Variants in ACACA observed in about 807,000 individuals in gnomAD.
ACACA encodes the protein acetyl-CoA carboxylase alpha, also known as acetyl-CoA carboxylase 1.
A neutral mutation model predicts 296.1 loss-of-function variants in ACACA; 103 were observed. That is an observed-to-expected ratio of 0.35 (90% CI 0.30 to 0.41). The LOEUF (loss-of-function observed/expected upper bound fraction) is 0.41. Among genes scored for constraint, ACACA ranks in the 10% least tolerant of loss-of-function variants. The pLI is 1.00. For synonymous variants in ACACA, 953 were observed against 1,038.6 expected (o/e 0.92, Z 1.58); for missense variants, 1,554 against 2,989.7 (o/e 0.52, Z 11.20).
At chr17:37,213,898 C>G (rs2078868680) in intron 29 of ACACA, among the ~76,000 whole-genome samples, 1 of 152,094 alleles carries the variant, frequency 6.6e-6, no homozygotes, top group Non-Finnish European at 1.5e-5. Context: ...CCATCCCTTC[C>G]AGCTGAATTT....
At chr17:37,251,842 T>C (rs2081009419) in intron 16 of ACACA, among the ~76,000 whole-genome samples, 163 bp downstream of exon 16, 1 of 132,024 alleles carries the variant, frequency 7.6e-6, no homozygotes, top group Admixed American at 7.7e-5. Context: ...TAATTTGCCA[T>C]AAATGTCAAC....
chr17:37,216,159 A>ACCCC (rs1598205839), intron 29 of ACACA, among the ~76,000 whole-genome samples: 33 of 90,868 alleles, frequency 3.6e-4, no homozygotes, highest in African/African-American at 1.0e-3. Flanking sequence ...CACACACACA[A>ACCCC]CATACACATG....
At chr17:37,335,393 A>G (rs190662821) in intron 2 of ACACA, among the ~76,000 whole-genome samples, 1 of 152,168 alleles carries the variant, frequency 6.6e-6, no homozygotes, top group African/African-American at 2.4e-5. Flanking sequence ...AAATTTAGCA[A>G]TACTATAGAC....
intron 41 of ACACA, among the ~76,000 whole-genome samples, chr17:37,174,018 ATATTTT>A (rs1269126878): frequency 4.5e-4 from 7 of 15,428 alleles, no homozygotes; most frequent in Admixed American, 1.2e-3. Flanking sequence ...ATATATATAT[ATATTTT>A]TTTTTTTTTT....
intron 2 of ACACA, among the ~76,000 whole-genome samples, chr17:37,336,130 G>C (rs559302108): frequency 6.6e-6 from 1 of 151,998 alleles, no homozygotes; most frequent in Non-Finnish European, 1.5e-5. Context: ...ACTACAAATC[G>C]TTCTTCAAAT....
chr17:37,213,924 T>C (rs564981412), intron 29 of ACACA, among the ~76,000 whole-genome samples: 2 of 152,314 alleles, frequency 1.3e-5, no homozygotes, highest in South Asian at 4.1e-4. Context: ...GGCTTGATTC[T>C]AGCTGGCCTT....
chr17:37,095,837 A>G (rs1195947003), intron 54 of ACACA, among the ~76,000 whole-genome samples: 1 of 152,190 alleles, frequency 6.6e-6, no homozygotes, highest in Non-Finnish European at 1.5e-5. Flanking sequence ...TTTTCTTCCC[A>G]TCCATGGAGT....
rs952914693 is a variant in ACACA at position 37,375,969 on chromosome 17, C to T, written c.38+30293G>A. 5.6e-6 allele frequency: 4 copies of T among 710,908 alleles called. No individual in the cohort carries two copies. In the African/African-American group the frequency reaches 7.0e-5, roughly 12 times the overall value. 44.0% of individuals were successfully genotyped at this position (710,908 alleles called of 1,614,324 possible). On this transcript the variant is annotated intron_variant, in intron 1 of 55. Coordinates refer to ENST00000616317, the MANE Select transcript of ACACA (RefSeq NM_198834.3). The stretch of plus-strand genomic sequence containing the variant: ...TGGGGCAAAATAATCAGGGTGGAAT[C>T]AGAGTCTCTCAGGGTCAAACTTGGT...
intron 1 of ACACA, chr17:37,389,230 C>A (rs372283806): frequency 6.4e-6 from 10 of 1,565,184 alleles, no homozygotes; most frequent in East Asian, 2.4e-5. Flanking sequence ...TAATACCAGT[C>A]ATTTTCTCCC....
At chr17:37,130,252 T>C in intron 45 of ACACA, 34 bp from the exon 46 acceptor site, 2 of 1,613,362 alleles carry the variant, frequency 1.2e-6, no homozygotes, top group East Asian at 2.2e-5. Context: ...GACATTTGTC[T>C]CTATAGAAAT....
intron 1 of ACACA, chr17:37,359,192 C>A: frequency 9.5e-6 from 9 of 952,224 alleles, no homozygotes; most frequent in Non-Finnish European, 1.1e-5. Context: ...CCACCTCAGC[C>A]GGCGAGCTCC....
intron 41 of ACACA, among the ~76,000 whole-genome samples, chr17:37,173,553 T>C (rs770621434): frequency 4.6e-5 from 7 of 152,162 alleles, no homozygotes; most frequent in Non-Finnish European, 7.4e-5. Context: ...TAAGATTTGT[T>C]TAAGCTGGTC....
chr17:37,138,571 C>G (rs1162179024), intron 45 of ACACA, among the ~76,000 whole-genome samples: 1 of 152,206 alleles, frequency 6.6e-6, no homozygotes, highest in African/African-American at 2.4e-5. Context: ...ATATGGTGCT[C>G]TAAATGCACA....
intron 14 of ACACA, among the ~76,000 whole-genome samples, chr17:37,255,625 A>G (rs1405126779): frequency 2.6e-5 from 4 of 152,244 alleles, no homozygotes; most frequent in Non-Finnish European, 5.9e-5. Flanking sequence ...AAATGCCAAC[A>G]GAGGCCAGTC....
rs1341910299 is a variant in ACACA at position 37,243,564 on chromosome 17, A to G, written c.2743-5T>C. 1 of 1,613,756 alleles carries G rather than the reference A, an allele frequency of 6.2e-7. No homozygotes were observed. The highest frequency in any genetic ancestry group is 8.5e-7 in the Non-Finnish European group (1 of 1,179,862). ...TCGCTCTACCCAGTCTTTTACCTAG[A>G]AAGAAAGCATTGGTAAAATAGGACC... On this transcript the variant is annotated splice_polypyrimidine_tract_variant and splice_region_variant and intron_variant, in intron 21 of 55. Coordinates refer to ENST00000616317, the MANE Select transcript of ACACA (RefSeq NM_198834.3).
chr17:37,226,542 A>G (rs1033107805), intron 25 of ACACA, 90 bp from the exon 26 acceptor site: 2 of 1,115,368 alleles, frequency 1.8e-6, no homozygotes, highest in Non-Finnish European at 2.7e-6. Flanking sequence ...AATGAAAACA[A>G]AGTAAACCCA....
chr17:37,325,584 T>TTTC (rs2047576877), intron 3 of ACACA, among the ~76,000 whole-genome samples: 1 of 123,960 alleles, frequency 8.1e-6, no homozygotes, highest in African/African-American at 3.2e-5. Context: ...TCTTTCTTTT[T>TTTC]TTTTTTTTTT....
intron 44 of ACACA, 80 bp downstream of exon 44, chr17:37,151,221 G>C (rs2076025761): frequency 6.6e-7 from 1 of 1,522,870 alleles, no homozygotes; most frequent in Admixed American, 1.7e-5. Context: ...ATTTGGGACT[G>C]AATAGCAGTG....
chr17:37,174,020 A>ATATATTTTTTTTTTTTTT (rs552735515), intron 41 of ACACA, among the ~76,000 whole-genome samples: 1 of 16,796 alleles, frequency 6.0e-5, no homozygotes, highest in Non-Finnish European at 9.9e-5. Context: ...ATATATATAT[A>ATATATTTTTTTTTTTTTT]TTTTTTTTTT....
Sources: allele counts gnomAD v4.1 joint callset (sites outside exome capture counted in the v4.1 genomes callset), GRCh38; gene constraint gnomAD v4.1.1; transcripts MANE v1.5; gene names NCBI Gene and HGNC (gene_info 2026-07-23, HGNC 2026-07-21).